Variants in TDRKH observed in about 807,000 individuals in gnomAD.
TDRKH encodes tudor and KH domain containing.
Under a neutral mutation model 61.3 loss-of-function variants are expected in TDRKH, and 28 were observed. The ratio of observed to expected loss-of-function variants is 0.46; its 90% CI spans 0.34 to 0.63. The LOEUF is 0.63. Ranked by LOEUF, TDRKH falls within the 20% of genes least tolerant of loss-of-function variation. The pLI, the probability that TDRKH is intolerant of heterozygous loss-of-function variation, is 0.01. For synonymous variants in TDRKH, 219 were observed against 244.4 expected, an observed-to-expected ratio of 0.90 and a Z score of 0.97; for missense variants, 540 against 683.4, an observed-to-expected ratio of 0.79 and a Z score of 2.34.
downstream of TDRKH, chr1:151,766,876 G>A (rs369647761): frequency 1.4e-5 from 23 of 1,610,490 alleles, no homozygotes; most frequent in African/African-American, 1.3e-4. Context: ...ATGCTGCCTC[G>A]TTGTTATAAA....
At chr1:151,767,244 A>C, downstream of TDRKH, 2 of 1,614,048 alleles carry the variant, frequency 1.2e-6, no homozygotes, top group Non-Finnish European at 1.7e-6. Flanking sequence ...GTAGGCCTCC[A>C]GGAGGGCAAA....
intron 1 of TDRKH, among the ~76,000 whole-genome samples, chr1:151,788,070 A>T (rs907185437): frequency 2.0e-5 from 3 of 152,158 alleles, no homozygotes; most frequent in Admixed American, 6.5e-5. Context: ...GGACATGAGC[A>T]TCTATGGATT....
At chr1:151,771,412 T>G (rs1001679728), downstream of TDRKH, 4 of 1,288,570 alleles carry the variant, frequency 3.1e-6, no homozygotes, top group Non-Finnish European at 3.0e-6. Flanking sequence ...CTAAATTCAC[T>G]GAAAAGATCA....
At chr1:151,777,577 T>A in intron 6 of TDRKH, among the ~76,000 whole-genome samples, 1 of 152,300 alleles carries the variant, frequency 6.6e-6, no homozygotes, top group Middle Eastern at 3.4e-3. Context: ...AATATTTATG[T>A]TTAGTATTAA....
downstream of TDRKH, chr1:151,767,241 T>TC: frequency 1.2e-6 from 2 of 1,613,970 alleles, no homozygotes; most frequent in Non-Finnish European, 1.7e-6. Flanking sequence ...CTAGTAGGCC[T>TC]CCAGGAGGGC....
chr1:151,783,840 C>T (rs185268284), intron 1 of TDRKH: 14 of 152,360 alleles, frequency 9.2e-5, no homozygotes, highest in African/African-American at 3.4e-4. Flanking sequence ...ATGCTAATGA[C>T]ATCAACAATG....
At chr1:151,772,160 A>G (rs934188415), downstream of TDRKH, among the ~76,000 whole-genome samples, 2 of 152,046 alleles carry the variant, frequency 1.3e-5, no homozygotes, top group Non-Finnish European at 2.9e-5. Flanking sequence ...GAGTGGTGCA[A>G]TCTTGGCTCA....
At chr1:151,771,385 T>C (rs2101566878), downstream of TDRKH, 1 of 1,376,412 alleles carries the variant, frequency 7.3e-7, no homozygotes, top group Non-Finnish European at 9.5e-7. Context: ...TGGAGTGGGA[T>C]ATACACCTTA....
intron 1 of TDRKH, among the ~76,000 whole-genome samples, chr1:151,785,614 AG>A (rs1232054288): frequency 6.6e-6 from 1 of 152,228 alleles, no homozygotes; most frequent in Non-Finnish European, 1.5e-5. Context: ...TTAATCCCAT[AG>A]AAGAGTACCC....
Position 151,779,966 on chromosome 1 carries a change from C to A in TDRKH, c.406G>T (p.Val136Leu). ...SEQLSVPQRS[V>L]GRIIGRGGET... ...CCAGTGGTACCTATGATTCTGCCCA[C>A]AGATCTCTGGGGAACTGAAAGCTGC... Residue 136 changes from valine to leucine, a missense_variant, in exon 4 of 13, where the codon GTG becomes TTG. Val to Leu is a conservative substitution (Grantham distance 32). Coordinates refer to ENST00000368824, the MANE Select transcript of TDRKH (RefSeq NM_001083965.2). 2 of 1,612,592 alleles carry A rather than the reference C, an allele frequency of 1.2e-6. No homozygotes were observed. Among genetic ancestry groups the A allele is most frequent in the South Asian group, 2.2e-5 (2 of 91,010 alleles).
intron 10 of TDRKH, 93 bp from the exon 11 acceptor site, chr1:151,775,259 T>C (rs923628963): frequency 2.4e-5 from 37 of 1,555,794 alleles, no homozygotes; most frequent in Non-Finnish European, 3.0e-5. Context: ...TTTAAAGACA[T>C]TCCTTTGGTG....
At chr1:151,778,103 CCTGT>C (rs992474806) in intron 6 of TDRKH, among the ~76,000 whole-genome samples, 2 of 152,056 alleles carry the variant, frequency 1.3e-5, no homozygotes, top group Non-Finnish European at 1.5e-5. Flanking sequence ...TCTTTCCCAC[CCTGT>C]CTATTTATAC....
chr1:151,783,059 G>A lies in TDRKH; in HGVS notation c.-27-10C>T. The A allele has an allele frequency of 3.1e-6, 5 of 1,602,036 alleles. No individual in the cohort carries two copies. The highest frequency in any genetic ancestry group is 2.2e-5 in the South Asian group (2 of 89,124). On this transcript the variant is annotated splice_polypyrimidine_tract_variant and intron_variant, in intron 1 of 12. Transcript: ENST00000368824. Reference sequence around the variant, plus strand: ...CTCTTTGACTTATATCCTGAAACAAGCAAAGCAGGGAAAAGAGGGAGGTTT... The same window carrying A: ...CTCTTTGACTTATATCCTGAAACAAACAAAGCAGGGAAAAGAGGGAGGTTT...
At chr1:151,770,342 T>A (rs1219980256), downstream of TDRKH, 4 of 1,504,686 alleles carry the variant, frequency 2.7e-6, no homozygotes, top group Non-Finnish European at 2.7e-6. Context: ...TCTTCCCCTG[T>A]CTTTAAAAAT....
intron 9 of TDRKH, 46 bp downstream of exon 9, chr1:151,775,773 GT>G: frequency 6.3e-7 from 1 of 1,591,590 alleles, no homozygotes; most frequent in Admixed American, 1.7e-5. Context: ...ACTGTATGAA[GT>G]TATTCTATTT....
chr1:151,768,028 A>C (rs752810932), downstream of TDRKH: 1 of 1,613,076 alleles, frequency 6.2e-7, no homozygotes, highest in South Asian at 1.1e-5. Flanking sequence ...TGATTTGAAG[A>C]CTAGAGGAGC....
chr1:151,771,217 T>C (rs772270623), downstream of TDRKH: 8 of 1,613,044 alleles, frequency 5.0e-6, no homozygotes, highest in South Asian at 7.7e-5. Flanking sequence ...TGAGCCTCCT[T>C]GAACATGCTT....
At chr1:151,769,988 G>A, downstream of TDRKH, 2 of 891,332 alleles carry the variant, frequency 2.2e-6, no homozygotes, top group African/African-American at 1.7e-5. Flanking sequence ...AGGAGAATCA[G>A]GCAGGGAGGT....
chr1:151,778,292 T>C (rs1649403882), intron 6 of TDRKH, among the ~76,000 whole-genome samples: 1 of 152,228 alleles, frequency 6.6e-6, no homozygotes, highest in Admixed American at 6.5e-5. Context: ...AAAGGTCATG[T>C]ATCTATCTTT....
Sources: gnomAD v4.1 joint callset for allele counts (sites outside exome capture counted in the v4.1 genomes callset) on GRCh38, gnomAD v4.1.1 for gene constraint, MANE v1.5 for transcripts, NCBI Gene and HGNC (gene_info 2026-07-23, HGNC 2026-07-21) for gene names.